NRXN1: variants seen among roughly 807,000 people sequenced by gnomAD.
The protein encoded by NRXN1 is neurexin 1, also known as neurexin-1.
Under a neutral mutation model 150.9 loss-of-function variants are expected in NRXN1, and 39 were observed. That is an observed-to-expected ratio of 0.26 (90% CI 0.20 to 0.34). The LOEUF is 0.34. Ranked by LOEUF, NRXN1 falls within the 10% of genes least tolerant of loss-of-function variation. The pLI, the probability that NRXN1 is intolerant of heterozygous loss-of-function variation, is 1.00. For synonymous variants in NRXN1, 924 were observed against 757.0 expected, an observed-to-expected ratio of 1.22 and a Z score of -3.62; for missense variants, 1,815 against 1,949.9, an observed-to-expected ratio of 0.93 and a Z score of 1.30.
intron 5 of NRXN1, among the ~76,000 whole-genome samples, chr2:50,752,574 C>T (rs1700722809): frequency 6.6e-6 from 1 of 151,806 alleles, no homozygotes; most frequent in Non-Finnish European, 1.5e-5. Context: ...TACCCATGCT[C>T]TGAAAAGAAC....
intron 19 of NRXN1, among the ~76,000 whole-genome samples, chr2:50,076,268 G>A (rs1376110796): frequency 6.6e-6 from 1 of 152,182 alleles, no homozygotes; most frequent in Admixed American, 6.5e-5. Context: ...AAGTCTGACA[G>A]CCAAGAGAAA....
In NRXN1 at chr2:50,538,566, A is replaced by T; in HGVS notation, c.1830T>A (p.Asp610Glu). Reference protein sequence around the residue: ...APGESEILDLDDELYLGGLPE... With the variant: ...APGESEILDLEDELYLGGLPE... ...GCAGCCCCCCCAGGTACAACTCATC[A>T]TCCAGGTCCAGAATCTCACTCTCAC... is the stretch of plus-strand genomic sequence containing the variant. Residue 610 changes from aspartate (D) to glutamate (E), a missense_variant, in exon 10 of 23, where the codon GAT becomes GAA. Physicochemically the swap from Asp to Glu is conservative, Grantham distance 45. Transcript: ENST00000401669. 9 of 1,567,180 alleles carry T rather than the reference A, an allele frequency of 5.7e-6. No individual in the cohort carries two copies. The highest frequency in any genetic ancestry group is 7.8e-6 in the Non-Finnish European group (9 of 1,155,114).
At chr2:50,112,318 C>T (rs1404506369) in intron 18 of NRXN1, among the ~76,000 whole-genome samples, 2 of 152,164 alleles carry the variant, frequency 1.3e-5, no homozygotes, top group East Asian at 1.9e-4. Flanking sequence ...TATCACTATG[C>T]TTAATGGAGA....
At chr2:50,336,123 C>T (rs887169416) in intron 17 of NRXN1, among the ~76,000 whole-genome samples, 4 of 152,104 alleles carry the variant, frequency 2.6e-5, no homozygotes, top group Admixed American at 2.6e-4. Flanking sequence ...TAAGAGTAAT[C>T]CTTTATGTCA....
intron 16 of NRXN1, among the ~76,000 whole-genome samples, chr2:50,469,500 G>A (rs905630856): frequency 2.0e-5 from 3 of 151,440 alleles, no homozygotes; most frequent in African/African-American, 7.3e-5. Flanking sequence ...TATCAATATG[G>A]AGCCTAAGTG....
At chr2:50,179,653 C>A (rs1206623865) in intron 18 of NRXN1, among the ~76,000 whole-genome samples, 1 of 152,146 alleles carries the variant, frequency 6.6e-6, no homozygotes, top group Non-Finnish European at 1.5e-5. Flanking sequence ...TGCTACCAAT[C>A]TATGACCCCA....
At chr2:50,100,278 C>T (rs1700817213) in intron 18 of NRXN1, among the ~76,000 whole-genome samples, 1 of 151,950 alleles carries the variant, frequency 6.6e-6, no homozygotes. Context: ...TTGGGAAGAG[C>T]CCCTGCCTTG....
chr2:51,027,444 C>T (rs572301871), intron 2 of NRXN1, 58 bp downstream of exon 2: 1 of 1,465,598 alleles, frequency 6.8e-7, no homozygotes, highest in African/African-American at 1.4e-5. Context: ...AGCCCGGTCC[C>T]CTCCTCCCCG....
chr2:50,123,422 T>C (rs10865243), intron 18 of NRXN1, among the ~76,000 whole-genome samples: 49,575 of 151,896 alleles, frequency 0.33, 8,591 homozygotes, highest in Admixed American at 0.43. Flanking sequence ...TTGGAGCAAA[T>C]GGGTCATGTG....
At chr2:50,728,678 A>C (rs1697707453) in intron 5 of NRXN1, among the ~76,000 whole-genome samples, 1 of 152,180 alleles carries the variant, frequency 6.6e-6, no homozygotes, top group Admixed American at 6.5e-5. Flanking sequence ...CCTGCCTGTT[A>C]AATATAGAGA....
chr2:49,919,017 T>G lies in NRXN1; in HGVS notation c.*2927A>C, dbSNP rs1572843585. Reference sequence around the variant, plus strand: ...CCAATCACACAAAGCACTAGAAGGGTAGGGTTATGTGGCCTTTCTTTGATG... The same window carrying G: ...CCAATCACACAAAGCACTAGAAGGGGAGGGTTATGTGGCCTTTCTTTGATG... On this transcript the variant is annotated 3_prime_UTR_variant, in exon 23 of 23. Transcript: ENST00000401669. The G allele has an allele frequency of 2.0e-5, 3 of 151,916 alleles. No homozygotes were observed. Among genetic ancestry groups the G allele is most frequent in the Admixed American group, 2.0e-4 (3 of 15,240 alleles). The allele number at this position is 151,916 out of a possible 1,614,324, so 9.4% of individuals were successfully genotyped here.
chr2:50,056,691 A>T (rs1168731496), intron 19 of NRXN1, among the ~76,000 whole-genome samples: 1 of 152,062 alleles, frequency 6.6e-6, no homozygotes, highest in East Asian at 1.9e-4. Flanking sequence ...ATTTTTTTTT[A>T]ATGTAATATT....
rs538120398 is a variant in NRXN1 at position 50,838,120 on chromosome 2, C to T, written c.832+83749G>A. Reference sequence around the variant, plus strand: ...TTATAAAACATTTCATTGTCTACTGCAAGCTACTTAGCTCAATTTAAATAC... The same window carrying T: ...TTATAAAACATTTCATTGTCTACTGTAAGCTACTTAGCTCAATTTAAATAC... On this transcript the variant is annotated intron_variant, in intron 5 of 22. Transcript: ENST00000401669. Among the ~76,000 whole-genome samples, 4 of 152,266 alleles carry T rather than the reference C, an allele frequency of 2.6e-5. No individual in the cohort carries two copies. In the South Asian group the frequency reaches 8.3e-4, roughly 32 times the overall value.
At chr2:50,946,252 A>G (rs1690371598) in intron 2 of NRXN1, among the ~76,000 whole-genome samples, 1 of 152,272 alleles carries the variant, frequency 6.6e-6, no homozygotes, top group Admixed American at 6.5e-5. Context: ...GCTTAATTAC[A>G]CTATGAGCAT....
At chr2:50,189,716 C>G (rs1260014498) in intron 18 of NRXN1, among the ~76,000 whole-genome samples, 1 of 152,036 alleles carries the variant, frequency 6.6e-6, no homozygotes, top group African/African-American at 2.4e-5. Flanking sequence ...ATGGATTTGA[C>G]AGAGTATTCA....
rs554104240 is a variant in NRXN1 at position 50,205,544 on chromosome 2, C to T, written c.3546+31245G>A. Among the ~76,000 whole-genome samples, 16 of 152,046 alleles carry T rather than the reference C, an allele frequency of 1.1e-4. 1 individual carries two copies. The highest frequency in any genetic ancestry group is 8.3e-4 in the South Asian group (4 of 4,824). On this transcript the variant is annotated intron_variant, in intron 18 of 22. Coordinates refer to ENST00000401669, the MANE Select transcript of NRXN1 (RefSeq NM_001330078.2). ...AATAGGACCTTCAAAGTGCAACATACGGAATATATGTTATAAAATTCTATG... is the reference window on the plus strand; with the variant it reads ...AATAGGACCTTCAAAGTGCAACATATGGAATATATGTTATAAAATTCTATG...
intron 19 of NRXN1, among the ~76,000 whole-genome samples, chr2:50,061,010 A>T (rs1174900853): frequency 1.3e-5 from 2 of 152,192 alleles, no homozygotes; most frequent in Non-Finnish European, 2.9e-5. Flanking sequence ...TAGGTATAAA[A>T]TAGTTCAGAA....
intron 5 of NRXN1, among the ~76,000 whole-genome samples, chr2:50,712,269 C>G (rs559016010): frequency 6.6e-6 from 1 of 152,196 alleles, no homozygotes; most frequent in African/African-American, 2.4e-5. Context: ...CTAAAGTCTT[C>G]CCTTTCCTTT....
chr2:50,938,086 G>C (rs1688813407), intron 2 of NRXN1, among the ~76,000 whole-genome samples: 1 of 151,712 alleles, frequency 6.6e-6, no homozygotes, highest in Non-Finnish European at 1.5e-5. Context: ...TTTTTTAATG[G>C]TACACCTGTG....
Sources: allele counts gnomAD v4.1 joint callset (sites outside exome capture counted in the v4.1 genomes callset), GRCh38; gene constraint gnomAD v4.1.1; transcripts MANE v1.5; gene names NCBI Gene and HGNC (gene_info 2026-07-23, HGNC 2026-07-21).